SCAMP4: variants seen among roughly 807,000 people sequenced by gnomAD.
SCAMP4 encodes the protein secretory carrier-associated membrane protein 4.
SCAMP4 carries 19 observed loss-of-function variants against 32.1 expected under a neutral mutation model. That is an observed-to-expected ratio of 0.59 (90% confidence interval 0.41 to 0.87). The LOEUF is 0.87. Ranked by LOEUF, SCAMP4 falls within the 40% of genes least tolerant of loss-of-function variation. SCAMP4 has a pLI of 0.00. For missense variants in SCAMP4, 302 were observed against 309.0 expected, an observed-to-expected ratio of 0.98 and a Z score of 0.17; for synonymous variants, 152 against 132.7, an observed-to-expected ratio of 1.15 and a Z score of -1.00.
chr19:1,911,981 G>A, intron 1 of SCAMP4: 2 of 1,411,582 alleles, frequency 1.4e-6, no homozygotes, highest in East Asian at 2.7e-5. Flanking sequence ...AGCACGCCCT[G>A]CCTTGTGGAG....
chr19:1,921,271 C>T, intron 5 of SCAMP4: 1 of 985,432 alleles, frequency 1.0e-6, no homozygotes, highest in Non-Finnish European at 1.2e-6. Context: ...CTGCCCCGGG[C>T]AGCTTCACCA....
At chr19:1,913,356 C>A (rs1049081509) in intron 1 of SCAMP4, 4 of 749,256 alleles carry the variant, frequency 5.3e-6, no homozygotes, top group Non-Finnish European at 8.5e-6. Flanking sequence ...GCCAGCGGTG[C>A]CCTTCTGCGG....
chr19:1,921,369 T>G (rs1184075212), intron 5 of SCAMP4: 18 of 985,190 alleles, frequency 1.8e-5, no homozygotes, highest in Non-Finnish European at 1.9e-5. Context: ...TCCAGAGAAA[T>G]GACCCCCAGC....
intron 6 of SCAMP4, among the ~76,000 whole-genome samples, chr19:1,923,849 T>A (rs1310040768): frequency 1.3e-5 from 2 of 148,722 alleles, no homozygotes; most frequent in Admixed American, 1.4e-4. Context: ...ATGGTCTCAA[T>A]CTCCTGACCT....
chr19:1,907,710 G>GCTGGGAC (rs1034046504), intron 1 of SCAMP4, among the ~76,000 whole-genome samples: 19 of 152,302 alleles, frequency 1.2e-4, no homozygotes, highest in Admixed American at 5.2e-4. Flanking sequence ...GCCGTGTTCT[G>GCTGGGAC]CTGGGACCTG....
chr19:1,924,812 G>A lies in SCAMP4; in HGVS notation c.*528G>A. 5.7e-6 allele frequency: 1 copy of A among 175,542 alleles called. No individual in the cohort carries two copies. Among genetic ancestry groups the A allele is most frequent in the Non-Finnish European group, 1.2e-5 (1 of 80,126 alleles). The allele number at this position is 175,542 out of a possible 1,614,324, so 10.9% of individuals were successfully genotyped here. ...GTGATAGAGGGCTTGGTGCCTAGCT[G>A]AGTCCTCGCTGTCCCCGCCATCCCC... is the stretch of plus-strand genomic sequence containing the variant. On this transcript the variant is annotated 3_prime_UTR_variant, in exon 7 of 7. Coordinates refer to ENST00000316097, the MANE Select transcript of SCAMP4 (RefSeq NM_079834.4).
At chr19:1,909,894 G>A (rs915726452) in intron 1 of SCAMP4, among the ~76,000 whole-genome samples, 4 of 152,232 alleles carry the variant, frequency 2.6e-5, no homozygotes, top group Non-Finnish European at 4.4e-5. Context: ...GCGCTCCGGG[G>A]CTTACGTTTC....
chr19:1,913,139 C>T (rs1490889549), intron 1 of SCAMP4: 2 of 1,560,274 alleles, frequency 1.3e-6, no homozygotes, highest in African/African-American at 1.4e-5. Flanking sequence ...GCTGGCTGGA[C>T]CCCGACACGT....
At chr19:1,921,633 G>T in intron 5 of SCAMP4, 1 of 985,456 alleles carries the variant, frequency 1.0e-6, no homozygotes. Context: ...AAATGCCTTT[G>T]CCGCTTTTCA....
Position 1,914,964 on chromosome 19 carries a change from T to C in SCAMP4, c.-41-15T>C, listed in dbSNP as rs2013680956. On this transcript the variant is annotated splice_polypyrimidine_tract_variant and intron_variant, in intron 1 of 6. Coordinates refer to ENST00000316097, the MANE Select transcript of SCAMP4 (RefSeq NM_079834.4). ...GCAGCTCAGGGTTCCCTGACTGTGGTTGTCTTCCTTCCAGGCGGCTGCAGG... is the reference window on the plus strand; with the variant it reads ...GCAGCTCAGGGTTCCCTGACTGTGGCTGTCTTCCTTCCAGGCGGCTGCAGG... The C allele has an allele frequency of 1.9e-6, 3 of 1,612,404 alleles. No individual in the cohort carries two copies. Among genetic ancestry groups the C allele is most frequent in the Non-Finnish European group, 2.5e-6 (3 of 1,178,498 alleles).
At chr19:1,913,670 A>G (rs2013620944) in intron 1 of SCAMP4, among the ~76,000 whole-genome samples, 2 of 152,138 alleles carry the variant, frequency 1.3e-5, no homozygotes, top group African/African-American at 4.8e-5. Context: ...TGTGGACACT[A>G]GGCGTAGTCC....
chr19:1,921,541 G>A, intron 5 of SCAMP4: 3 of 985,474 alleles, frequency 3.0e-6, no homozygotes, highest in Non-Finnish European at 3.6e-6. Flanking sequence ...TGTGCTGGGT[G>A]CCTCCCTAGA....
chr19:1,922,400 A>G, intron 5 of SCAMP4: 1 of 684,118 alleles, frequency 1.5e-6, no homozygotes, highest in Non-Finnish European at 1.8e-6. Context: ...ATGCCTGGCT[A>G]ATTTTTGTAT....
At position 1,918,222 on chromosome 19, in the gene SCAMP4, C is replaced by T. The variant is rs369537993; in HGVS notation, c.232C>T (p.Leu78=). 8 of 1,611,288 alleles carry T rather than the reference C, an allele frequency of 5.0e-6. No individual in the cohort carries two copies. Among genetic ancestry groups the T allele is most frequent in the Non-Finnish European group, 6.8e-6 (8 of 1,179,800 alleles). The change falls in exon 4 of 7, where the codon CTG becomes TTG. Residue 78 remains leucine (L), a synonymous_variant. Coordinates refer to ENST00000316097, the MANE Select transcript of SCAMP4 (RefSeq NM_079834.4). ...CAACTTCGGCCTGGCCTTCGTGTGG[C>T]TGCTCCTGTTCACGCCTTGCGGCTA... ...GTNFGLAFVW[L]LLFTPCGYVC...
At chr19:1,914,948 G>A in intron 1 of SCAMP4, 31 bp from the exon 2 acceptor site, 1 of 1,602,092 alleles carries the variant, frequency 6.2e-7, no homozygotes, top group Non-Finnish European at 8.6e-7. Flanking sequence ...GGCAGCTCAG[G>A]GTTCCCTGAC....
At chr19:1,922,494 C>T (rs1192549846) in intron 5 of SCAMP4, 1 of 972,676 alleles carries the variant, frequency 1.0e-6, no homozygotes, top group Non-Finnish European at 1.2e-6. Context: ...CTCGGCCTCC[C>T]AAAGTGCTGG....
intron 1 of SCAMP4, chr19:1,912,678 G>A (rs1234725801): frequency 9.7e-6 from 14 of 1,445,356 alleles, no homozygotes; most frequent in Non-Finnish European, 1.3e-5. Flanking sequence ...CTTGCGGGCC[G>A]TGGGGGCCGT....
At chr19:1,912,738 A>T in intron 1 of SCAMP4, 1 of 1,539,664 alleles carries the variant, frequency 6.5e-7, no homozygotes, top group South Asian at 1.2e-5. Context: ...CCACGACTGC[A>T]GCTGCGCGGA....
At chr19:1,916,262 T>C (rs1289471732) in intron 2 of SCAMP4, among the ~76,000 whole-genome samples, 1 of 148,036 alleles carries the variant, frequency 6.8e-6, no homozygotes, top group Non-Finnish European at 1.5e-5. Flanking sequence ...GACATGGAGA[T>C]ACAGGAGGAG....
Sources: allele counts gnomAD v4.1 joint callset (sites outside exome capture counted in the v4.1 genomes callset), GRCh38; gene constraint gnomAD v4.1.1; transcripts MANE v1.5; gene names NCBI Gene and HGNC (gene_info 2026-07-23, HGNC 2026-07-21).